The following CTNNA3 variants were observed in gnomAD, a reference collection of about 807,000 sequenced individuals.
The protein encoded by CTNNA3 is catenin alpha-3.
A neutral mutation model predicts 95.7 loss-of-function variants in CTNNA3; 76 were observed. The observed-to-expected ratio is 0.79, with a 90% CI of 0.66 to 0.96. CTNNA3 has a LOEUF of 0.96. Ranked by LOEUF, CTNNA3 falls within the 40% of genes least tolerant of loss-of-function variation. CTNNA3 has a pLI of 0.00. For missense variants in CTNNA3, 1,191 were observed against 1,089.8 expected (o/e 1.09, Z -1.31); for synonymous variants, 431 against 374.4 (o/e 1.15, Z -1.74).
At chr10:67,599,251 A>G (rs1473296715) in intron 3 of CTNNA3, among the ~76,000 whole-genome samples, 1 of 152,228 alleles carries the variant, frequency 6.6e-6, no homozygotes, top group East Asian at 1.9e-4. Flanking sequence ...AAGGAAAATA[A>G]AAGAATCCGA....
intron 7 of CTNNA3, among the ~76,000 whole-genome samples, chr10:66,954,743 T>C (rs898716334): frequency 6.6e-6 from 1 of 152,164 alleles, no homozygotes; most frequent in Non-Finnish European, 1.5e-5. Flanking sequence ...GGTATACCCT[T>C]CCTTGGCGGA....
At chr10:66,509,327 A>T (rs1840574668) in intron 11 of CTNNA3, among the ~76,000 whole-genome samples, 1 of 152,046 alleles carries the variant, frequency 6.6e-6, no homozygotes, top group Non-Finnish European at 1.5e-5. Context: ...CCCTCATTCT[A>T]TAGGCTGTAA....
In CTNNA3 at chr10:66,831,881, T is replaced by C. The variant is rs573962341; in HGVS notation, c.1048-56357A>G. Among the ~76,000 whole-genome samples the C allele has an allele frequency of 6.8e-4, 104 of 152,268 alleles. 1 individual carries two copies. Among genetic ancestry groups the C allele is most frequent in the African/African-American group, 2.3e-3 (95 of 41,558 alleles). On this transcript the variant is annotated intron_variant, in intron 7 of 17. Coordinates refer to ENST00000433211, the MANE Select transcript of CTNNA3 (RefSeq NM_013266.4). ...TGATTAATTCATTCAATTTAAGACATAGTTCAAGCTTTCAAAAACTAATGA... is the reference window on the plus strand; with the variant it reads ...TGATTAATTCATTCAATTTAAGACACAGTTCAAGCTTTCAAAAACTAATGA...
At chr10:67,682,287 A>G (rs1185058632) in intron 1 of CTNNA3, among the ~76,000 whole-genome samples, 3 of 151,712 alleles carry the variant, frequency 2.0e-5, no homozygotes, top group Non-Finnish European at 4.4e-5. Flanking sequence ...AGATGGCACC[A>G]CTGCACTCTA....
At chr10:66,609,888 G>A (rs1224555277) in intron 10 of CTNNA3, among the ~76,000 whole-genome samples, 2 of 152,060 alleles carry the variant, frequency 1.3e-5, no homozygotes, top group African/African-American at 4.8e-5. Context: ...AGAAAATGTG[G>A]TACATATACA....
chr10:66,625,686 C>T (rs564120023), intron 9 of CTNNA3, among the ~76,000 whole-genome samples: 21 of 152,140 alleles, frequency 1.4e-4, no homozygotes, highest in Non-Finnish European at 2.9e-4. Flanking sequence ...ATGGCACTGA[C>T]CCCTAGTTCC....
chr10:66,522,214 G>T (rs116256850), intron 10 of CTNNA3, among the ~76,000 whole-genome samples: 3 of 151,988 alleles, frequency 2.0e-5, no homozygotes, highest in African/African-American at 2.4e-5. Context: ...TTTATTTGGG[G>T]CATTGTCTCT....
intron 7 of CTNNA3, among the ~76,000 whole-genome samples, chr10:67,149,998 T>C (rs925035000): frequency 3.3e-5 from 5 of 152,198 alleles, no homozygotes; most frequent in Non-Finnish European, 7.3e-5. Context: ...TGCACATTTA[T>C]TGAAAATCAC....
At chr10:67,503,963 C>T (rs1171068450) in intron 5 of CTNNA3, among the ~76,000 whole-genome samples, 2 of 151,964 alleles carry the variant, frequency 1.3e-5, no homozygotes, top group Non-Finnish European at 1.5e-5. Context: ...CAAGACCATC[C>T]TGGCTAACAT....
intron 7 of CTNNA3, among the ~76,000 whole-genome samples, chr10:66,980,603 G>A (rs771841189): frequency 4.2e-4 from 63 of 150,740 alleles, no homozygotes; most frequent in Non-Finnish European, 6.8e-4. Context: ...GAGTAGCAAC[G>A]TGGCAGATGG....
intron 12 of CTNNA3, among the ~76,000 whole-genome samples, chr10:66,365,354 G>A (rs1314408739): frequency 6.6e-6 from 1 of 152,100 alleles, no homozygotes; most frequent in Admixed American, 6.6e-5. Context: ...ATGGACACAG[G>A]GAGGGGAACA....
chr10:67,024,588 T>C (rs1853236269), intron 7 of CTNNA3, among the ~76,000 whole-genome samples: 1 of 152,164 alleles, frequency 6.6e-6, no homozygotes, highest in Admixed American at 6.5e-5. Context: ...TGCTATAAAA[T>C]CATTTTCCTA....
intron 5 of CTNNA3, among the ~76,000 whole-genome samples, chr10:67,390,879 T>C (rs1844441598): frequency 6.8e-6 from 1 of 146,620 alleles, no homozygotes; most frequent in Non-Finnish European, 1.5e-5. Flanking sequence ...AAACTCTCAA[T>C]AAATTAGGTA....
intron 1 of CTNNA3, among the ~76,000 whole-genome samples, chr10:67,707,614 A>C (rs914041762): frequency 1.3e-5 from 2 of 151,974 alleles, no homozygotes; most frequent in Admixed American, 1.3e-4. Context: ...TTCTGTCTTC[A>C]CCATTGGGAT....
At chr10:66,379,867 A>G (rs960695461) in intron 11 of CTNNA3, among the ~76,000 whole-genome samples, 3 of 152,222 alleles carry the variant, frequency 2.0e-5, no homozygotes, top group Non-Finnish European at 4.4e-5. Flanking sequence ...CCATGAAGAT[A>G]GCAGGAAGTT....
At chr10:67,103,926 C>G (rs879652373) in intron 7 of CTNNA3, among the ~76,000 whole-genome samples, 160 of 151,736 alleles carry the variant, frequency 1.1e-3, no homozygotes, top group Non-Finnish European at 8.0e-4. Context: ...ACAATATTTT[C>G]TTGAAGTTTT....
chr10:66,022,284 A>G (rs2079234888), intron 15 of CTNNA3, among the ~76,000 whole-genome samples: 1 of 152,214 alleles, frequency 6.6e-6, no homozygotes, highest in South Asian at 2.1e-4. Flanking sequence ...TCAAATAAAT[A>G]GCAAAATCTC....
chr10:67,462,545 A>G (rs2132998762), intron 5 of CTNNA3, among the ~76,000 whole-genome samples: 1 of 152,330 alleles, frequency 6.6e-6, no homozygotes, highest in Middle Eastern at 3.4e-3. Flanking sequence ...CAGAAAGTTT[A>G]GTGTCTTATA....
At chr10:66,784,004 T>C (rs1840642060) in intron 7 of CTNNA3, among the ~76,000 whole-genome samples, 1 of 152,156 alleles carries the variant, frequency 6.6e-6, no homozygotes. Context: ...TACATATGGC[T>C]ATGGAAAGTC....
Sources: allele counts gnomAD v4.1 joint callset (sites outside exome capture counted in the v4.1 genomes callset), GRCh38; gene constraint gnomAD v4.1.1; transcripts MANE v1.5; gene names NCBI Gene and HGNC (gene_info 2026-07-23, HGNC 2026-07-21).